Variants in BCO1 observed in about 807,000 individuals in gnomAD.
BCO1 encodes the protein beta-carotene oxygenase 1, also known as beta,beta-carotene 15,15'-dioxygenase.
BCO1 carries 54 observed loss-of-function variants against 56.3 expected under a neutral mutation model. The ratio of observed to expected loss-of-function variants is 0.96; its 90% CI spans 0.77 to 1.20. BCO1 has a LOEUF of 1.20. Among genes scored for constraint, BCO1 ranks in the 50% most tolerant of loss-of-function variants. The pLI, the probability that BCO1 is intolerant of heterozygous loss-of-function variation, is 0.00. For synonymous variants in BCO1, 318 were observed against 266.1 expected (o/e 1.20, Z -1.90); for missense variants, 801 against 690.9 (o/e 1.16, Z -1.79).
chr16:81,272,949 G>A (rs4888134), intron 7 of BCO1, among the ~76,000 whole-genome samples: 115,960 of 151,988 alleles, frequency 0.76, 44,524 homozygotes, highest in East Asian at 0.92. Context: ...ACCTGCCCCA[G>A]TCTGTCTCTA....
In BCO1 at chr16:81,264,756, T is replaced by C. The variant is rs755481903; in HGVS notation, c.588T>C (p.Tyr196=). Reference sequence around the variant, plus strand: ...TTGTGGAAAAGGGGAAGACAAAGTATGTGATTTTTAAGATCCCTGCCACAG... The same window carrying C: ...TTGTGGAAAAGGGGAAGACAAAGTACGTGATTTTTAAGATCCCTGCCACAG... ...TSIVEKGKTK[Y]VIFKIPATVP... The change falls in exon 5 of 11, where the codon TAT becomes TAC. Residue 196 remains tyrosine, a synonymous_variant. Transcript: ENST00000258168. 6.2e-7 allele frequency: 1 copy of C among 1,614,176 alleles called. No homozygotes were observed. Among genetic ancestry groups the C allele is most frequent in the Non-Finnish European group, 8.5e-7 (1 of 1,180,038 alleles).
chr16:81,243,410 G>A (rs1905225625), intron 1 of BCO1, among the ~76,000 whole-genome samples: 1 of 152,092 alleles, frequency 6.6e-6, no homozygotes, highest in South Asian at 2.1e-4. Context: ...GCTTGAAAAT[G>A]ACGGTCCAGT....
chr16:81,246,188 C>T (rs1440086506), intron 2 of BCO1, among the ~76,000 whole-genome samples: 1 of 152,070 alleles, frequency 6.6e-6, no homozygotes, highest in African/African-American at 2.4e-5. Context: ...TCTCTCTCTC[C>T]TTCCATCCTC....
At chr16:81,273,417 G>C (rs1396103459) in intron 7 of BCO1, among the ~76,000 whole-genome samples, 1 of 152,108 alleles carries the variant, frequency 6.6e-6, no homozygotes, top group Non-Finnish European at 1.5e-5. Context: ...ACAGTGTCCA[G>C]GGAGCCTTTT....
chr16:81,284,447 T>A (rs1908059578), intron 8 of BCO1, among the ~76,000 whole-genome samples: 1 of 152,048 alleles, frequency 6.6e-6, no homozygotes, highest in African/African-American at 2.4e-5. Flanking sequence ...CTTCCAAATT[T>A]TTTCTCTTCA....
intron 4 of BCO1, chr16:81,263,682 C>G (rs1906636349): frequency 6.6e-6 from 1 of 152,166 alleles, no homozygotes; most frequent in African/African-American, 2.4e-5. Flanking sequence ...AAGAGGGAGG[C>G]ATTAGGCAAA....
chr16:81,255,159 A>G (rs1906053194), intron 2 of BCO1, among the ~76,000 whole-genome samples: 2 of 152,214 alleles, frequency 1.3e-5, no homozygotes, highest in Admixed American at 1.3e-4. Flanking sequence ...GCTGGATGTC[A>G]TCAAGCTGCA....
At chr16:81,276,867 G>C (rs1907587074) in intron 7 of BCO1, among the ~76,000 whole-genome samples, 1 of 151,858 alleles carries the variant, frequency 6.6e-6, no homozygotes, top group Non-Finnish European at 1.5e-5. Context: ...AGGAGTTCAA[G>C]ACCAGCTTGG....
chr16:81,244,402 A>G (rs569464042), intron 1 of BCO1, among the ~76,000 whole-genome samples: 1 of 152,324 alleles, frequency 6.6e-6, no homozygotes, highest in East Asian at 1.9e-4. Flanking sequence ...CATGAAATCA[A>G]TATTTAAAAA....
chr16:81,271,250 G>A (rs1907198056), intron 7 of BCO1, among the ~76,000 whole-genome samples: 1 of 151,900 alleles, frequency 6.6e-6, no homozygotes, highest in Non-Finnish European at 1.5e-5. Context: ...AAGTACCTGG[G>A]ATTACAGGCG....
chr16:81,277,065 C>CAAAA, intron 7 of BCO1, among the ~76,000 whole-genome samples: 1 of 95,326 alleles, frequency 1.0e-5, no homozygotes, highest in African/African-American at 4.2e-5. Context: ...GACTCGGTCT[C>CAAAA]AAAAAAAAAA....
chr16:81,257,736 G>A (rs1378268081), intron 2 of BCO1, among the ~76,000 whole-genome samples: 1 of 151,836 alleles, frequency 6.6e-6, no homozygotes, highest in East Asian at 2.0e-4. Flanking sequence ...AAAATTAGCT[G>A]GGCATGGTGG....
At chr16:81,253,746 T>C (rs1266592333) in intron 2 of BCO1, among the ~76,000 whole-genome samples, 4 of 152,144 alleles carry the variant, frequency 2.6e-5, no homozygotes, top group African/African-American at 9.7e-5. Context: ...GGAGGATCGC[T>C]TGAGTCCAGG....
intron 3 of BCO1, among the ~76,000 whole-genome samples, chr16:81,261,182 T>A (rs1906460773): frequency 6.6e-6 from 1 of 152,180 alleles, no homozygotes; most frequent in Admixed American, 6.5e-5. Flanking sequence ...ATCACGAATT[T>A]GAAACCACGA....
At chr16:81,253,996 T>C (rs1347260548) in intron 2 of BCO1, among the ~76,000 whole-genome samples, 8 of 152,106 alleles carry the variant, frequency 5.3e-5, no homozygotes, top group Admixed American at 4.6e-4. Context: ...GTGACACTTA[T>C]TCACACAGTA....
intron 1 of BCO1, among the ~76,000 whole-genome samples, chr16:81,240,973 G>C (rs113744668): frequency 6.6e-6 from 1 of 150,572 alleles, no homozygotes; most frequent in Non-Finnish European, 1.5e-5. Context: ...TAGCTGGAAT[G>C]ACAGGCATGC....
Position 81,267,953 on chromosome 16 carries a change from T to G in BCO1, c.665T>G (p.Phe222Cys). Residue 222 changes from phenylalanine (F) to cysteine (C), a missense_variant, in exon 6 of 11, where the codon TTC (phenylalanine) becomes TGC (cysteine). Transcript: ENST00000258168. ...AGCCCCTGGAAGCACACAGAGGTGT[T>G]CTGCTCCATCCCATCCCGCTCCCTG... is the stretch of plus-strand genomic sequence containing the variant. ...GKSPWKHTEVFCSIPSRSLLS... is the reference protein window; with the variant it reads ...GKSPWKHTEVCCSIPSRSLLS... 6.2e-7 allele frequency: 1 copy of G among 1,613,902 alleles called. No individual in the cohort carries two copies.
At chr16:81,260,322 A>G (rs1906405780) in intron 3 of BCO1, among the ~76,000 whole-genome samples, 1 of 152,104 alleles carries the variant, frequency 6.6e-6, no homozygotes, top group Admixed American at 6.6e-5. Context: ...AAAAAAAAAA[A>G]AGGAAGGTGT....
chr16:81,290,907 C>A lies in BCO1; in HGVS notation c.*330C>A. The stretch of plus-strand genomic sequence containing the variant: ...ACATTATCATCATTTTTAGAACGAG[C>A]CACTAACCTATTAGAGAAGAGGCAG... On this transcript the variant is annotated 3_prime_UTR_variant, in exon 11 of 11. Coordinates refer to ENST00000258168, the MANE Select transcript of BCO1 (RefSeq NM_017429.3). The A allele has an allele frequency of 4.1e-6, 1 of 246,662 alleles. No individual in the cohort carries two copies. Among genetic ancestry groups the A allele is most frequent in the African/African-American group, 2.2e-5 (1 of 44,802 alleles). The allele number at this position is 246,662 out of a possible 1,614,324, so 15.3% of individuals were successfully genotyped here. A position where few individuals can be genotyped will look rare whatever the true frequency, so the allele number is the denominator to read the frequency against.
Sources: gnomAD v4.1 joint callset for allele counts (sites outside exome capture counted in the v4.1 genomes callset) on GRCh38, gnomAD v4.1.1 for gene constraint, MANE v1.5 for transcripts, NCBI Gene and HGNC (gene_info 2026-07-23, HGNC 2026-07-21) for gene names.